The following TCP11L1 variants were observed in gnomAD, a reference collection of about 807,000 sequenced individuals.
The protein encoded by TCP11L1 is T-complex protein 11-like protein 1.
A neutral mutation model predicts 48.9 loss-of-function variants in TCP11L1; 28 were observed. That is an observed-to-expected ratio of 0.57 (90% CI 0.42 to 0.78). The LOEUF (loss-of-function observed/expected upper bound fraction) is 0.78, where lower values mean the gene tolerates loss of function less well. Among genes scored for constraint, TCP11L1 ranks in the 30% least tolerant of loss-of-function variants. TCP11L1 has a pLI of 0.00. For missense variants in TCP11L1, 505 were observed against 613.4 expected, an observed-to-expected ratio of 0.82 and a Z score of 1.87; for synonymous variants, 204 against 231.9, an observed-to-expected ratio of 0.88 and a Z score of 1.09.
In TCP11L1 at chr11:33,065,960, C is replaced by T; in HGVS notation, c.1103C>T (p.Ala368Val). Residue 368 changes from alanine to valine, a missense_variant, in exon 8 of 10, where the codon GCT becomes GTT. This residue lies in a region of TCP11L1 where 335 missense variants were observed against 413.3 expected (regional missense o/e 0.81). Transcript: ENST00000334274. Reference sequence around the variant, plus strand: ...GGAATTTCCAGCCAGGCCGACTTTGCTGAGAAACTCAAGATGATTGTGAAG... The same window carrying T: ...GGAATTTCCAGCCAGGCCGACTTTGTTGAGAAACTCAAGATGATTGTGAAG... ...APGISSQADF[A>V]EKLKMIVKIL... 1 of 1,614,186 alleles carries T rather than the reference C, an allele frequency of 6.2e-7. No individual in the cohort carries two copies.
At chr11:33,049,887 A>T (rs1854107713) in intron 2 of TCP11L1, among the ~76,000 whole-genome samples, 1 of 152,176 alleles carries the variant, frequency 6.6e-6, no homozygotes, top group South Asian at 2.1e-4. Flanking sequence ...GGGGATGATC[A>T]GGTCTTTCCC....
intron 3 of TCP11L1, chr11:33,056,705 A>T (rs4471389): frequency 0.4 from 89,638 of 223,324 alleles, 18,682 homozygotes; most frequent in African/African-American, 0.48. Flanking sequence ...CGGCCTCCAA[A>T]AGTGCTGGGA....
Position 33,048,703 on chromosome 11 carries a change from A to G in TCP11L1, c.163+4767A>G, listed in dbSNP as rs73487372. The stretch of plus-strand genomic sequence containing the variant: ...TGGTGCAAGCTGTTTTTTTCCAAGT[A>G]TGCCCAAAACACTGAGAATGCACTT... On this transcript the variant is annotated intron_variant, in intron 2 of 9. Coordinates refer to ENST00000334274, the MANE Select transcript of TCP11L1 (RefSeq NM_018393.4). 6.0e-3 allele frequency among the ~76,000 whole-genome samples: 908 copies of G among 152,278 alleles called. 4 individuals are homozygous for G. Among genetic ancestry groups the G allele is most frequent in the African/African-American group, 0.02 (848 of 41,562 alleles).
chr11:33,065,770 C>T (rs955056416), intron 7 of TCP11L1, 60 bp from the exon 8 acceptor site: 26 of 1,568,964 alleles, frequency 1.7e-5, no homozygotes, highest in South Asian at 3.5e-5. Context: ...GTGGCGCTCC[C>T]GCCCTCTGCT....
chr11:33,054,724 A>G lies in TCP11L1; in HGVS notation c.295A>G (p.Ser99Gly). Reference protein sequence around the residue: ...QIKPVELPENSLKKRVKEIVH... With the variant: ...QIKPVELPENGLKKRVKEIVH... ...TAAACCAGTTGAATTACCAGAAAAC[A>G]GGTAAGGTGGTTGCTAAATTATCTT... The change falls in exon 3 of 10, where the codon AGC (serine) becomes GGC (glycine). Residue 99 changes from serine (S) to glycine (G), a missense_variant and splice_region_variant. By Grantham distance (56) the Ser-to-Gly change is moderately conservative. Coordinates refer to ENST00000334274, the MANE Select transcript of TCP11L1 (RefSeq NM_018393.4). 1 of 1,611,130 alleles carries G rather than the reference A, an allele frequency of 6.2e-7. No individual in the cohort carries two copies. The highest frequency in any genetic ancestry group is 8.5e-7 in the Non-Finnish European group (1 of 1,179,036).
intron 2 of TCP11L1, among the ~76,000 whole-genome samples, chr11:33,051,268 C>G (rs904233352): frequency 1.3e-5 from 2 of 151,696 alleles, no homozygotes; most frequent in East Asian, 1.9e-4. Flanking sequence ...CCCGGGTTCA[C>G]GCCATTCTCT....
intron 2 of TCP11L1, among the ~76,000 whole-genome samples, chr11:33,047,052 G>T (rs564333965): frequency 5.9e-5 from 9 of 152,082 alleles, no homozygotes; most frequent in Middle Eastern, 6.8e-3. Context: ...GTGAAACACT[G>T]TTTCTACTAA....
chr11:33,044,510 T>G (rs551448195), intron 2 of TCP11L1, among the ~76,000 whole-genome samples: 2 of 152,334 alleles, frequency 1.3e-5, no homozygotes, highest in South Asian at 4.1e-4. Context: ...GAAGAGTACC[T>G]TAAGCATTTT....
chr11:33,056,015 A>G (rs957596429), intron 3 of TCP11L1, among the ~76,000 whole-genome samples: 1 of 152,070 alleles, frequency 6.6e-6, no homozygotes, highest in African/African-American at 2.4e-5. Flanking sequence ...ACAGGGTTTC[A>G]CCTTGTTGGT....
At chr11:33,044,151 G>C in intron 2 of TCP11L1, 1 of 441,678 alleles carries the variant, frequency 2.3e-6, no homozygotes, top group Non-Finnish European at 3.9e-6. Flanking sequence ...ATAATGTCCA[G>C]AACGTTCCTG....
intron 8 of TCP11L1, among the ~76,000 whole-genome samples, chr11:33,067,367 G>A (rs1422444132): frequency 6.6e-6 from 1 of 152,218 alleles, no homozygotes; most frequent in East Asian, 1.9e-4. Context: ...ACAAAATGGA[G>A]GAATTTTACT....
chr11:33,052,265 A>T (rs886554093), intron 2 of TCP11L1, among the ~76,000 whole-genome samples: 8 of 152,346 alleles, frequency 5.3e-5, no homozygotes, highest in Middle Eastern at 6.8e-3. Context: ...TTAATTGAAA[A>T]GATATATTGG....
In TCP11L1 at chr11:33,065,773, C is replaced by G. The variant is rs1427940130; in HGVS notation, c.973-57C>G. 1.1e-5 allele frequency: 17 copies of G among 1,574,880 alleles called. 1 individual carries two copies. Among genetic ancestry groups the G allele is most frequent in the Admixed American group, 1.7e-5 (1 of 57,480 alleles). On this transcript the variant is annotated intron_variant, in intron 7 of 9. Coordinates refer to ENST00000334274, the MANE Select transcript of TCP11L1 (RefSeq NM_018393.4). ...GGTGTGGGGGCTGTGGCGCTCCCGC[C>G]CTCTGCTGGCCAACCTGGACCTGCA...
chr11:33,055,939 T>C (rs1255366508), intron 3 of TCP11L1, among the ~76,000 whole-genome samples: 1 of 152,168 alleles, frequency 6.6e-6, no homozygotes, highest in Non-Finnish European at 1.5e-5. Context: ...TGACTTAGCC[T>C]CCTGAGTAGC....
chr11:33,043,990 G>C, intron 2 of TCP11L1, 54 bp downstream of exon 2: 1 of 1,504,264 alleles, frequency 6.6e-7, no homozygotes, highest in Non-Finnish European at 8.9e-7. Context: ...TTCAGGTGAC[G>C]GTTTTATGAG....
At chr11:33,053,554 G>A (rs540423159) in intron 2 of TCP11L1, among the ~76,000 whole-genome samples, 2 of 152,330 alleles carry the variant, frequency 1.3e-5, no homozygotes, top group African/African-American at 4.8e-5. Flanking sequence ...TTTTGAGGCC[G>A]TTGCAGCAGT....
Position 33,045,560 on chromosome 11 carries a change from T to C in TCP11L1, c.163+1624T>C, listed in dbSNP as rs539024158. ...AAAAAATAAAGAGGCCAGGATTGATTGCTGTAATGTAGATGTATATGGCTA... is the reference window on the plus strand; with the variant it reads ...AAAAAATAAAGAGGCCAGGATTGATCGCTGTAATGTAGATGTATATGGCTA... On this transcript the variant is annotated intron_variant, in intron 2 of 9. Coordinates refer to ENST00000334274, the MANE Select transcript of TCP11L1 (RefSeq NM_018393.4). Among the ~76,000 whole-genome samples the C allele has an allele frequency of 1.7e-4, 26 of 152,252 alleles. No homozygotes were observed. The South Asian group carries it at 5.4e-3, about 32-fold the overall frequency.
intron 2 of TCP11L1, among the ~76,000 whole-genome samples, chr11:33,052,729 A>G (rs2057294): frequency 0.41 from 62,437 of 152,010 alleles, 13,046 homozygotes; most frequent in African/African-American, 0.48. Flanking sequence ...TGTGGCTCAC[A>G]CCTGTAATCC....
At chr11:33,072,397 A>C in intron 9 of TCP11L1, 77 bp from the exon 10 acceptor site, 1 of 1,495,210 alleles carries the variant, frequency 6.7e-7, no homozygotes, top group Non-Finnish European at 9.3e-7. Context: ...GGTGATGGTT[A>C]AGCTAAGAAC....
Sources: gnomAD v4.1 joint callset for allele counts (sites outside exome capture counted in the v4.1 genomes callset) on GRCh38, gnomAD v4.1.1 for gene constraint, gnomAD v4.1.1 regional missense constraint, MANE v1.5 for transcripts, NCBI Gene and HGNC (gene_info 2026-07-23, HGNC 2026-07-21) for gene names.